GPC6: variants seen among roughly 807,000 people sequenced by gnomAD.
GPC6 encodes glypican 6, also known as glypican-6.
Under a neutral mutation model 55.2 loss-of-function variants are expected in GPC6, and 14 were observed. The ratio of observed to expected loss-of-function variants is 0.25; its 90% CI spans 0.17 to 0.40. GPC6 has a LOEUF of 0.40. Among genes scored for constraint, GPC6 ranks in the 10% least tolerant of loss-of-function variants. The probability of loss-of-function intolerance (pLI) is 1.00; values close to 1 mark genes in which losing one functional copy is unlikely to be tolerated. For synonymous variants in GPC6, 278 were observed against 259.6 expected, an observed-to-expected ratio of 1.07 and a Z score of -0.68; for missense variants, 641 against 708.5, an observed-to-expected ratio of 0.90 and a Z score of 1.08.
In GPC6 at chr13:93,251,602, T is replaced by G. The variant is rs1007369831; in HGVS notation, c.160+23986T>G. ...TAATTCCTTGTCTCATGCTTGCAAATTGGTTAAAGTTTTCTTACCTTTTCA... is the reference window on the plus strand; with the variant it reads ...TAATTCCTTGTCTCATGCTTGCAAAGTGGTTAAAGTTTTCTTACCTTTTCA... On this transcript the variant is annotated intron_variant, in intron 1 of 8. Coordinates refer to ENST00000377047, the MANE Select transcript of GPC6 (RefSeq NM_005708.5). 7.2e-5 allele frequency among the ~76,000 whole-genome samples: 11 copies of G among 152,180 alleles called. No homozygotes were observed. In the South Asian group the frequency reaches 2.3e-3, roughly 31 times the overall value.
At chr13:93,683,066 A>G (rs756303605) in intron 2 of GPC6, among the ~76,000 whole-genome samples, 2 of 152,076 alleles carry the variant, frequency 1.3e-5, no homozygotes, top group Non-Finnish European at 2.9e-5. Context: ...AAGTCTAGAT[A>G]TTAAATCCTT....
rs142074172 is a variant in GPC6 at position 93,938,794 on chromosome 13, C to T, written c.712-88935C>T. Among the ~76,000 whole-genome samples, 432 of 152,152 alleles carry T rather than the reference C, an allele frequency of 2.8e-3. 2 individuals carry two copies. The highest frequency in any genetic ancestry group is 4.4e-3 in the Admixed American group (67 of 15,282). ...AGGGATCTTGCTGTTGAGTCCTAAC[C>T]GAGTTGTAATTAAAAATGAAGGTGC... On this transcript the variant is annotated intron_variant, in intron 3 of 8. Transcript: ENST00000377047.
At chr13:93,302,348 T>C (rs1419810634) in intron 1 of GPC6, among the ~76,000 whole-genome samples, 2 of 152,196 alleles carry the variant, frequency 1.3e-5, no homozygotes, top group East Asian at 3.9e-4. Context: ...ATACCATCCA[T>C]GCATTCTGGT....
chr13:94,267,361 G>A (rs1024422727), intron 4 of GPC6, among the ~76,000 whole-genome samples: 6 of 152,112 alleles, frequency 3.9e-5, no homozygotes, highest in African/African-American at 1.4e-4. Context: ...AAGTTTAGAA[G>A]AACAAATATA....
At chr13:94,355,587 A>G (rs935677430) in intron 6 of GPC6, among the ~76,000 whole-genome samples, 5 of 152,156 alleles carry the variant, frequency 3.3e-5, no homozygotes, top group African/African-American at 4.8e-5. Context: ...AAATGATGAA[A>G]TTGTATGCTA....
At chr13:94,179,156 T>G (rs1888898469) in intron 4 of GPC6, among the ~76,000 whole-genome samples, 1 of 152,198 alleles carries the variant, frequency 6.6e-6, no homozygotes, top group South Asian at 2.1e-4. Context: ...ATCTCCAGTA[T>G]CCTCACCCTC....
At chr13:93,431,183 A>T (rs7999482) in intron 1 of GPC6, among the ~76,000 whole-genome samples, 31,669 of 152,088 alleles carry the variant, frequency 0.21, 3,507 homozygotes, top group Middle Eastern at 0.28. Flanking sequence ...CAAACTAAAC[A>T]CTTTTATAAT....
At chr13:93,644,084 G>A (rs1213131176) in intron 2 of GPC6, among the ~76,000 whole-genome samples, 1 of 151,952 alleles carries the variant, frequency 6.6e-6, no homozygotes, top group Non-Finnish European at 1.5e-5. Flanking sequence ...TTTTCACTAA[G>A]TACATCATCT....
intron 2 of GPC6, among the ~76,000 whole-genome samples, chr13:93,634,063 G>T (rs1879593737): frequency 6.6e-6 from 1 of 152,176 alleles, no homozygotes; most frequent in Admixed American, 6.6e-5. Context: ...CTGATGCAGT[G>T]AACATATACT....
chr13:93,879,586 C>T (rs1399687291), intron 3 of GPC6, among the ~76,000 whole-genome samples: 8 of 150,960 alleles, frequency 5.3e-5, no homozygotes, highest in South Asian at 2.1e-4. Context: ...AAGACTTAAA[C>T]GTTAGACCTA....
intron 3 of GPC6, among the ~76,000 whole-genome samples, chr13:94,010,302 T>C (rs1882194489): frequency 6.6e-6 from 1 of 152,208 alleles, no homozygotes; most frequent in African/African-American, 2.4e-5. Context: ...ACATTTGATA[T>C]TCCTTTACTT....
intron 6 of GPC6, among the ~76,000 whole-genome samples, chr13:94,322,101 C>G (rs577047588): frequency 1.3e-5 from 2 of 152,236 alleles, no homozygotes; most frequent in East Asian, 1.9e-4. Flanking sequence ...GTGGGAGGGA[C>G]CCGGTGAGAG....
intron 1 of GPC6, among the ~76,000 whole-genome samples, chr13:93,350,237 C>G (rs1880584931): frequency 6.6e-6 from 1 of 152,080 alleles, no homozygotes. Context: ...GAGTTTGAGA[C>G]AAGCCTGGCC....
intron 3 of GPC6, among the ~76,000 whole-genome samples, chr13:93,975,156 A>G (rs1394120518): frequency 1.3e-5 from 2 of 152,228 alleles, no homozygotes; most frequent in South Asian, 2.1e-4. Context: ...TCTCTGATGC[A>G]TGCAAGACTA....
chr13:93,433,599 G>A (rs1194921649), intron 1 of GPC6, among the ~76,000 whole-genome samples: 1 of 152,084 alleles, frequency 6.6e-6, no homozygotes, highest in Non-Finnish European at 1.5e-5. Context: ...GACTACACGT[G>A]TAGAGAAAAA....
Position 93,843,877 on chromosome 13 carries a change from A to G in GPC6, c.711+13332A>G, listed in dbSNP as rs942336759. Among the ~76,000 whole-genome samples, 4 of 152,078 alleles carry G rather than the reference A, an allele frequency of 2.6e-5. No individual in the cohort carries two copies. The East Asian group carries it at 7.7e-4, about 29-fold the overall frequency. On this transcript the variant is annotated intron_variant, in intron 3 of 8. Transcript: ENST00000377047. ...GCTCCTTTGTTCATAATAAATAAAT[A>G]TTTTTCTGTACCTATTTTTTAACCA... is the stretch of plus-strand genomic sequence containing the variant.
At chr13:93,940,946 C>CT (rs1484367562) in intron 3 of GPC6, among the ~76,000 whole-genome samples, 3 of 152,060 alleles carry the variant, frequency 2.0e-5, no homozygotes, top group African/African-American at 7.2e-5. Context: ...TACATTCTCC[C>CT]TTTTTTCTCT....
At chr13:94,102,507 T>C (rs904197740) in intron 4 of GPC6, among the ~76,000 whole-genome samples, 1 of 151,912 alleles carries the variant, frequency 6.6e-6, no homozygotes, top group African/African-American at 2.4e-5. Context: ...CTGACCCTTT[T>C]TTTTTTTTTA....
chr13:93,589,559 C>G (rs1300883161), intron 2 of GPC6, among the ~76,000 whole-genome samples: 2 of 152,142 alleles, frequency 1.3e-5, no homozygotes, highest in East Asian at 3.9e-4. Flanking sequence ...TTCTGGGGAT[C>G]AATTCCTCTT....
Sources: allele counts gnomAD v4.1 joint callset (sites outside exome capture counted in the v4.1 genomes callset), GRCh38; gene constraint gnomAD v4.1.1; transcripts MANE v1.5; gene names NCBI Gene and HGNC (gene_info 2026-07-23, HGNC 2026-07-21).